GREM2: variants seen among roughly 807,000 people sequenced by gnomAD.
The protein encoded by GREM2 is gremlin 2, DAN family BMP antagonist.
GREM2 carries 11 observed loss-of-function variants against 14.2 expected under a neutral mutation model. That is an observed-to-expected ratio of 0.78 (90% CI 0.49 to 1.28). The LOEUF is 1.28. Among genes scored for constraint, GREM2 ranks in the 50% most tolerant of loss-of-function variants. The probability of loss-of-function intolerance (pLI) is 0.00; values close to 1 mark genes in which losing one functional copy is unlikely to be tolerated. For missense variants in GREM2, 210 were observed against 218.5 expected, an observed-to-expected ratio of 0.96 and a Z score of 0.24; for synonymous variants, 98 against 97.6, an observed-to-expected ratio of 1.00 and a Z score of -0.02.
chr1:240,570,278 A>G (rs967902790), intron 1 of GREM2, among the ~76,000 whole-genome samples: 2 of 152,172 alleles, frequency 1.3e-5, no homozygotes, highest in African/African-American at 2.4e-5. Flanking sequence ...CCTGGCCAAC[A>G]TGGTGAAACC....
intron 1 of GREM2, among the ~76,000 whole-genome samples, chr1:240,525,143 T>C (rs1248939454): frequency 6.6e-6 from 1 of 152,350 alleles, no homozygotes; most frequent in Non-Finnish European, 1.5e-5. Context: ...CACTGGATTC[T>C]GTGCAAGCTT....
At chr1:240,528,175 C>A (rs1381448274) in intron 1 of GREM2, among the ~76,000 whole-genome samples, 2 of 152,144 alleles carry the variant, frequency 1.3e-5, no homozygotes, top group Non-Finnish European at 2.9e-5. Flanking sequence ...CAGAGGGTCA[C>A]AGAAGTTTGA....
At chr1:240,532,787 A>T (rs1678393441) in intron 1 of GREM2, among the ~76,000 whole-genome samples, 4 of 152,208 alleles carry the variant, frequency 2.6e-5, no homozygotes, top group Non-Finnish European at 5.9e-5. Context: ...ATCTAAATAT[A>T]GTTAATTAGT....
intron 1 of GREM2, among the ~76,000 whole-genome samples, chr1:240,573,087 G>C (rs1679290152): frequency 6.6e-6 from 1 of 151,932 alleles, no homozygotes; most frequent in Non-Finnish European, 1.5e-5. Context: ...AAAGTACTCA[G>C]TAATTAAGAT....
At chr1:240,609,206 G>A (rs532987582) in intron 1 of GREM2, among the ~76,000 whole-genome samples, 2 of 151,950 alleles carry the variant, frequency 1.3e-5, no homozygotes, top group South Asian at 2.1e-4. Flanking sequence ...ACCCGCTCAC[G>A]TTCCATCCCC....
At chr1:240,555,785 T>A (rs1678944859) in intron 1 of GREM2, among the ~76,000 whole-genome samples, 1 of 152,212 alleles carries the variant, frequency 6.6e-6, no homozygotes, top group Admixed American at 6.5e-5. Flanking sequence ...ATGTTATCCA[T>A]TAGCCACTCA....
intron 1 of GREM2, among the ~76,000 whole-genome samples, chr1:240,605,113 TG>T (rs549069490): frequency 9.9e-4 from 151 of 152,280 alleles, no homozygotes; most frequent in African/African-American, 3.5e-3. Context: ...TTCCAGCCAA[TG>T]GAAACCAGAC....
chr1:240,507,493 C>T (rs543103735), intron 1 of GREM2, among the ~76,000 whole-genome samples: 9 of 152,192 alleles, frequency 5.9e-5, no homozygotes, highest in East Asian at 1.9e-4. Flanking sequence ...CCACCATGCC[C>T]GGCTAATTTT....
intron 1 of GREM2, among the ~76,000 whole-genome samples, chr1:240,574,338 A>G (rs540869673): frequency 6.6e-6 from 1 of 152,304 alleles, no homozygotes; most frequent in South Asian, 2.1e-4. Flanking sequence ...CTAAGAACTA[A>G]GTTCTTAGAA....
At chr1:240,552,826 ATAAAACAT>A (rs1678880681) in intron 1 of GREM2, among the ~76,000 whole-genome samples, 1 of 152,218 alleles carries the variant, frequency 6.6e-6, no homozygotes, top group African/African-American at 2.4e-5. Context: ...CTGTAAGGTG[ATAAAACAT>A]TAAAACATTC....
In GREM2 at chr1:240,609,598, C is replaced by A. The variant is rs993093359; in HGVS notation, c.-2+2286G>T. 5.3e-5 allele frequency among the ~76,000 whole-genome samples: 8 copies of A among 152,110 alleles called. No homozygotes were observed. In the South Asian group the frequency reaches 1.5e-3, roughly 28 times the overall value. ...CACGTTTTCCCTGGTTGAAATAATT[C>A]TTTTTTGTCCGTAGATATTTGAAGG... On this transcript the variant is annotated intron_variant, in intron 1 of 1. Transcript: ENST00000318160.
chr1:240,508,643 T>A (rs1003217579), intron 1 of GREM2, among the ~76,000 whole-genome samples: 1 of 152,252 alleles, frequency 6.6e-6, no homozygotes, highest in Admixed American at 6.5e-5. Context: ...TTTTAATACA[T>A]TGTTTCCAAA....
intron 1 of GREM2, chr1:240,531,615 G>T (rs1678361332): frequency 2.0e-6 from 2 of 981,772 alleles, no homozygotes; most frequent in Non-Finnish European, 2.4e-6. Context: ...ATGTGGCGAG[G>T]CCACTGCTCT....
chr1:240,600,804 C>T (rs1679907957), intron 1 of GREM2, among the ~76,000 whole-genome samples: 1 of 152,030 alleles, frequency 6.6e-6, no homozygotes, highest in Non-Finnish European at 1.5e-5. Context: ...TGCTGACATG[C>T]ATGTCTCTCC....
intron 1 of GREM2, among the ~76,000 whole-genome samples, chr1:240,552,818 G>A (rs1414082820): frequency 6.6e-6 from 1 of 152,184 alleles, no homozygotes; most frequent in Non-Finnish European, 1.5e-5. Flanking sequence ...GAAACATGCT[G>A]TAAGGTGATA....
chr1:240,563,059 G>C (rs1386729913), intron 1 of GREM2, among the ~76,000 whole-genome samples: 1 of 149,754 alleles, frequency 6.7e-6, no homozygotes, highest in African/African-American at 2.5e-5. Flanking sequence ...TGTGTATAGT[G>C]AGTGTGTATG....
At chr1:240,583,151 A>G (rs1427677024) in intron 1 of GREM2, among the ~76,000 whole-genome samples, 2 of 152,128 alleles carry the variant, frequency 1.3e-5, no homozygotes, top group Non-Finnish European at 2.9e-5. Context: ...ACTACATCGA[A>G]TCATCATCTG....
chr1:240,538,255 C>G (rs1189204164), intron 1 of GREM2, among the ~76,000 whole-genome samples: 1 of 152,188 alleles, frequency 6.6e-6, no homozygotes, highest in Non-Finnish European at 1.5e-5. Flanking sequence ...TTGACTCACA[C>G]TTTTTACCCT....
At chr1:240,526,258 T>C (rs777215650) in intron 1 of GREM2, among the ~76,000 whole-genome samples, 2 of 152,188 alleles carry the variant, frequency 1.3e-5, no homozygotes, top group Non-Finnish European at 2.9e-5. Flanking sequence ...ACCCAGGTGG[T>C]GGACAATTCA....
Sources: allele counts gnomAD v4.1 joint callset (sites outside exome capture counted in the v4.1 genomes callset), GRCh38; gene constraint gnomAD v4.1.1; transcripts MANE v1.5; gene names NCBI Gene and HGNC (gene_info 2026-07-23, HGNC 2026-07-21).